Variants in KDM1B observed in about 807,000 individuals in gnomAD.
KDM1B encodes the protein lysine demethylase 1B.
A neutral mutation model predicts 107.4 loss-of-function variants in KDM1B; 63 were observed. That is an observed-to-expected ratio of 0.59 (90% CI 0.48 to 0.72). The LOEUF is 0.72. KDM1B is among the 30% of genes least tolerant of loss of function. The pLI is 0.00. For missense variants in KDM1B, 749 were observed against 1,020.8 expected, an observed-to-expected ratio of 0.73 and a Z score of 3.63; for synonymous variants, 363 against 363.9, an observed-to-expected ratio of 1.00 and a Z score of 0.03.
chr6:18,163,385 T>C (rs954077044), intron 5 of KDM1B, among the ~76,000 whole-genome samples: 1 of 152,206 alleles, frequency 6.6e-6, no homozygotes, highest in African/African-American at 2.4e-5. Context: ...GAGTCAAAGT[T>C]CTGGAACATC....
chr6:18,220,489 T>C (rs1789606930), intron 21 of KDM1B, among the ~76,000 whole-genome samples: 1 of 151,902 alleles, frequency 6.6e-6, no homozygotes, highest in Non-Finnish European at 1.5e-5. Context: ...GAGGTTGCAG[T>C]GAGCCAAGAT....
In KDM1B at chr6:18,209,481, A is replaced by G. The variant is rs1400341396; in HGVS notation, c.1866+1275A>G. 6.6e-6 allele frequency among the ~76,000 whole-genome samples: 1 copy of G among 152,356 alleles called. No individual in the cohort carries two copies. Among genetic ancestry groups the G allele is most frequent in the South Asian group, 2.1e-4 (1 of 4,834 alleles). ...AGGGGATCCTAACATTATTCCTGCCATTAACCAACTCGGAGATCTTGGGCA... is the reference window on the plus strand; with the variant it reads ...AGGGGATCCTAACATTATTCCTGCCGTTAACCAACTCGGAGATCTTGGGCA... On this transcript the variant is annotated intron_variant, in intron 17 of 21. Coordinates refer to ENST00000650836, the MANE Select transcript of KDM1B (RefSeq NM_001364614.2). This position sits in a 1 kb window ranked among gnomAD's most constrained non-coding sequence, Gnocchi z 4.3.
At chr6:18,156,245 C>G (rs372206809) in intron 2 of KDM1B, among the ~76,000 whole-genome samples, 1 of 152,098 alleles carries the variant, frequency 6.6e-6, no homozygotes, top group African/African-American at 2.4e-5. Flanking sequence ...AGGGGTGGCC[C>G]GATTAGGGTA....
chr6:18,166,478 T>C (rs1355319311), intron 6 of KDM1B, 100 bp downstream of exon 6: 3 of 739,564 alleles, frequency 4.1e-6, no homozygotes, highest in Non-Finnish European at 7.3e-6. Flanking sequence ...TTACATTTAT[T>C]GTTCCTTCTA....
rs757138110 is a variant in KDM1B at position 18,166,394 on chromosome 6, C to T, written c.417+16C>T. On this transcript the variant is annotated intron_variant, in intron 6 of 21. Transcript: ENST00000650836. Reference sequence around the variant, plus strand: ...CCCCTACTGGGTAAGGAGAGTGATGCTCTCTGTCTGTGAAGTATTTGTGGA... The same window carrying T: ...CCCCTACTGGGTAAGGAGAGTGATGTTCTCTGTCTGTGAAGTATTTGTGGA... The T allele has an allele frequency of 2.8e-6, 4 of 1,432,858 alleles. No homozygotes were observed. Among genetic ancestry groups the T allele is most frequent in the Admixed American group, 1.7e-5 (1 of 59,362 alleles). The allele number at this position is 1,432,858 out of a possible 1,614,324, so 88.8% of individuals were successfully genotyped here. A position where few individuals can be genotyped will look rare whatever the true frequency, so the allele number is the denominator to read the frequency against.
intron 14 of KDM1B, among the ~76,000 whole-genome samples, chr6:18,202,849 A>G (rs894661613): frequency 9.2e-5 from 14 of 152,118 alleles, no homozygotes; most frequent in Non-Finnish European, 1.9e-4. Context: ...GTCCTTAGTA[A>G]GTTTTGACTG....
At chr6:18,199,982 G>T (rs1386156033) in intron 12 of KDM1B, among the ~76,000 whole-genome samples, 1 of 152,184 alleles carries the variant, frequency 6.6e-6, no homozygotes, top group African/African-American at 2.4e-5. Flanking sequence ...GGGTTCAGGT[G>T]ATTCTCGTGC....
intron 2 of KDM1B, among the ~76,000 whole-genome samples, 157 bp downstream of exon 2, chr6:18,156,083 C>T (rs1409853571): frequency 6.6e-6 from 1 of 152,182 alleles, no homozygotes; most frequent in African/African-American, 2.4e-5. Context: ...GGAACTCCCT[C>T]GCTTGTTCTT....
At position 18,214,369 on chromosome 6, in the gene KDM1B, T is replaced by C. The variant is rs1017662273; in HGVS notation, c.2109+588T>C. On this transcript the variant is annotated intron_variant, in intron 19 of 21. Coordinates refer to ENST00000650836, the MANE Select transcript of KDM1B (RefSeq NM_001364614.2). The surrounding 1 kb of genome is among the most constrained non-coding windows in gnomAD (Gnocchi z 4.4). ...AGATTTTCTTTACCATTTGAGGTTT[T>C]TTTATTTTTCATTGTTTTATCTGCA... Among the ~76,000 whole-genome samples, 15 of 152,232 alleles carry C rather than the reference T, an allele frequency of 9.9e-5. No homozygotes were observed. Among genetic ancestry groups the C allele is most frequent in the African/African-American group, 3.6e-4 (15 of 41,466 alleles).
chr6:18,211,311 G>A lies in KDM1B; in HGVS notation c.1867-1177G>A, dbSNP rs891569397. 3.3e-5 allele frequency among the ~76,000 whole-genome samples: 5 copies of A among 152,126 alleles called. No individual in the cohort carries two copies. Among genetic ancestry groups the A allele is most frequent in the African/African-American group, 1.2e-4 (5 of 41,416 alleles). ...TTGGTCTTCAACTCCATTCCACTCTGATCCTAGGGTGTCATCCTGTACTGC... is the reference window on the plus strand; with the variant it reads ...TTGGTCTTCAACTCCATTCCACTCTAATCCTAGGGTGTCATCCTGTACTGC... On this transcript the variant is annotated intron_variant, in intron 17 of 21. Coordinates refer to ENST00000650836, the MANE Select transcript of KDM1B (RefSeq NM_001364614.2). This position sits in a 1 kb window ranked among gnomAD's most constrained non-coding sequence, Gnocchi z 5.2.
intron 9 of KDM1B, among the ~76,000 whole-genome samples, chr6:18,188,236 A>G (rs529335533): frequency 2.0e-5 from 3 of 152,266 alleles, no homozygotes. Flanking sequence ...AAATAAATAG[A>G]TAAAAATTAT....
At chr6:18,165,290 C>T (rs1561907369) in intron 5 of KDM1B, among the ~76,000 whole-genome samples, 1 of 151,806 alleles carries the variant, frequency 6.6e-6, no homozygotes, top group Admixed American at 6.6e-5. Flanking sequence ...GCTACCACAC[C>T]TGGCTAATTT....
rs201437670 is a variant in KDM1B at position 18,187,115 on chromosome 6, G to GAA, written c.574-677_574-676insAA. On this transcript the variant is annotated intron_variant, in intron 8 of 21. Coordinates refer to ENST00000650836, the MANE Select transcript of KDM1B (RefSeq NM_001364614.2). ...CCATGGATTGTGGCAGTGTTGCTTT[G>GAA]GAAGCCACATAGACTTTCTTTTTAT... Among the ~76,000 whole-genome samples, 261 of 152,018 alleles carry GAA rather than the reference G, an allele frequency of 1.7e-3. 1 individual carries two copies. The highest frequency in any genetic ancestry group is 5.6e-3 in the African/African-American group (232 of 41,456).
At chr6:18,179,839 G>A (rs71533668) in intron 7 of KDM1B, among the ~76,000 whole-genome samples, 31,175 of 37,674 alleles carry the variant, frequency 0.83, 13,282 homozygotes, top group African/African-American at 0.86. Context: ...ATTTAGCATT[G>A]GTTTTTTTTC....
chr6:18,214,291 C>T lies in KDM1B; in HGVS notation c.2109+510C>T, dbSNP rs1227171749. ...ACGAAAGAATCATGGCTGTTTCTGA[C>T]TTTCAGTTTCAAGAAACTTTGTCTT... On this transcript the variant is annotated intron_variant, in intron 19 of 21. Transcript: ENST00000650836. The surrounding 1 kb of genome is among the most constrained non-coding windows in gnomAD (Gnocchi z 4.4). Among the ~76,000 whole-genome samples, 1 of 152,188 alleles carries T rather than the reference C, an allele frequency of 6.6e-6. No homozygotes were observed. The highest frequency in any genetic ancestry group is 1.9e-4 in the East Asian group (1 of 5,200).
rs1377797969 is a variant in KDM1B at position 18,213,820 on chromosome 6, T to C, written c.2109+39T>C. On this transcript the variant is annotated intron_variant, in intron 19 of 21. Coordinates refer to ENST00000650836, the MANE Select transcript of KDM1B (RefSeq NM_001364614.2). This position sits in a 1 kb window ranked among gnomAD's most constrained non-coding sequence, Gnocchi z 5.9. Reference sequence around the variant, plus strand: ...TGAACTGTGGTTTGAATTTCCGTCTTAAAGTTTAGAATTTGATGTGATAAT... The same window carrying C: ...TGAACTGTGGTTTGAATTTCCGTCTCAAAGTTTAGAATTTGATGTGATAAT... 2 of 1,610,654 alleles carry C rather than the reference T, an allele frequency of 1.2e-6. No individual in the cohort carries two copies. The highest frequency in any genetic ancestry group is 2.7e-5 in the African/African-American group (2 of 74,810).
intron 20 of KDM1B, among the ~76,000 whole-genome samples, 160 bp from the exon 21 acceptor site, chr6:18,217,573 T>G (rs1309522588): frequency 1.3e-5 from 2 of 152,016 alleles, no homozygotes; most frequent in African/African-American, 2.4e-5. Context: ...GAGATGGGGT[T>G]TCACCGTGTT....
intron 12 of KDM1B, among the ~76,000 whole-genome samples, chr6:18,198,864 A>G (rs1273508944): frequency 6.6e-6 from 1 of 150,504 alleles, no homozygotes; most frequent in Non-Finnish European, 1.5e-5. Flanking sequence ...TTCCTCTTAT[A>G]CTAAAAAAAA....
Position 18,223,722 on chromosome 6 carries a change from GAT to G in KDM1B, c.*1733_*1734del, listed in dbSNP as rs1346798674. 1 of 152,046 alleles carries G rather than the reference GAT, an allele frequency of 6.6e-6. No homozygotes were observed. Among genetic ancestry groups the G allele is most frequent in the Non-Finnish European group, 1.5e-5 (1 of 68,000 alleles). 9.4% of individuals were successfully genotyped at this position (152,046 alleles called of 1,614,324 possible). A position where few individuals can be genotyped will look rare whatever the true frequency, so the allele number is the denominator to read the frequency against. On this transcript the variant is annotated 3_prime_UTR_variant, in exon 22 of 22. Coordinates refer to ENST00000650836, the MANE Select transcript of KDM1B (RefSeq NM_001364614.2). ...GGTACTTTTTTCTTGAGTTACTTTG[GAT>G]ATGTTTTTTCAATGCCATCTGAAGA...
Sources: allele counts gnomAD v4.1 joint callset (sites outside exome capture counted in the v4.1 genomes callset), GRCh38; gene constraint gnomAD v4.1.1; non-coding constraint Gnocchi (gnomAD v3.1); transcripts MANE v1.5; gene names NCBI Gene and HGNC (gene_info 2026-07-23, HGNC 2026-07-21).